DHX35: variants seen among roughly 807,000 people sequenced by gnomAD.
DHX35 encodes the protein probable ATP-dependent RNA helicase DHX35.
DHX35 carries 84 observed loss-of-function variants against 99.6 expected under a neutral mutation model. The ratio of observed to expected loss-of-function variants is 0.84; its 90% CI spans 0.71 to 1.01. The LOEUF is 1.01. DHX35 is among the 50% of genes least tolerant of loss of function. DHX35 has a pLI of 0.00. For synonymous variants in DHX35, 331 were observed against 316.2 expected (o/e 1.05, Z -0.50); for missense variants, 852 against 888.5 (o/e 0.96, Z 0.52).
intron 1 of DHX35, among the ~76,000 whole-genome samples, chr20:38,965,984 A>G (rs1361604499): frequency 6.6e-6 from 1 of 152,242 alleles, no homozygotes; most frequent in African/African-American, 2.4e-5. Context: ...AACTGAAGAA[A>G]AAGTTGTTCA....
At chr20:38,989,955 A>G (rs981150171) in intron 5 of DHX35, among the ~76,000 whole-genome samples, 5 of 152,226 alleles carry the variant, frequency 3.3e-5, no homozygotes, top group African/African-American at 1.2e-4. Context: ...TTAATTTGCA[A>G]CAGAGGAAAA....
chr20:39,014,675 T>C (rs929371049), intron 13 of DHX35, among the ~76,000 whole-genome samples: 5 of 152,124 alleles, frequency 3.3e-5, no homozygotes, highest in Non-Finnish European at 7.3e-5. Context: ...TTCATCAAGC[T>C]GAGCCTTAAA....
At chr20:39,030,893 T>C in intron 20 of DHX35, 118 bp downstream of exon 20, 1 of 1,134,082 alleles carries the variant, frequency 8.8e-7, no homozygotes, top group Non-Finnish European at 1.3e-6. Context: ...CCGGGCGTGG[T>C]GGCTCACGCC....
At chr20:38,987,992 C>G (rs2145867821) in intron 4 of DHX35, among the ~76,000 whole-genome samples, 1 of 152,196 alleles carries the variant, frequency 6.6e-6, no homozygotes, top group Non-Finnish European at 1.5e-5. Flanking sequence ...TATGGTAATT[C>G]CTGTTCTGCC....
In DHX35 at chr20:39,014,800, G is replaced by C; in HGVS notation, c.1348-80G>C. 21 of 1,555,638 alleles carry C rather than the reference G, an allele frequency of 1.3e-5. 1 individual carries two copies. The highest frequency in any genetic ancestry group is 1.9e-5 in the Non-Finnish European group (21 of 1,127,114). Reference sequence around the variant, plus strand: ...ATGGGGCATGTTAGAGGGGAGAATGGATTTGAAAAGGAAACAGCCACATTT... The same window carrying C: ...ATGGGGCATGTTAGAGGGGAGAATGCATTTGAAAAGGAAACAGCCACATTT... On this transcript the variant is annotated intron_variant, in intron 13 of 21. Coordinates refer to ENST00000252011, the MANE Select transcript of DHX35 (RefSeq NM_021931.4).
intron 10 of DHX35, among the ~76,000 whole-genome samples, 158 bp downstream of exon 10, chr20:39,003,026 A>G (rs1442792059): frequency 2.0e-5 from 3 of 152,218 alleles, no homozygotes; most frequent in South Asian, 2.1e-4. Context: ...TTCATCTACC[A>G]TCTAGATTGT....
At chr20:39,023,990 C>G (rs2086912454) in intron 17 of DHX35, among the ~76,000 whole-genome samples, 1 of 152,350 alleles carries the variant, frequency 6.6e-6, no homozygotes, top group South Asian at 2.1e-4. Context: ...TCATTGCTTT[C>G]CCTTGCTTGG....
chr20:39,037,226 G>C (rs1389551532), intron 21 of DHX35, among the ~76,000 whole-genome samples: 1 of 152,312 alleles, frequency 6.6e-6, no homozygotes, highest in East Asian at 1.9e-4. Context: ...CGTGTAGAGA[G>C]AGAATTCAGA....
intron 19 of DHX35, chr20:39,029,821 C>G (rs957308281): frequency 6.6e-5 from 10 of 152,154 alleles, no homozygotes; most frequent in East Asian, 1.9e-4. Flanking sequence ...CTCACCACCC[C>G]CTGGTAGGAC....
intron 3 of DHX35, chr20:38,977,931 A>G (rs1336388380): frequency 1.7e-6 from 1 of 604,416 alleles, no homozygotes; most frequent in African/African-American, 1.8e-5. Flanking sequence ...CAAAATCATC[A>G]TCATTAGCAG....
intron 11 of DHX35, 36 bp downstream of exon 11, chr20:39,003,943 C>T (rs770243515): frequency 8.1e-6 from 13 of 1,604,202 alleles, no homozygotes; most frequent in South Asian, 3.3e-5. Flanking sequence ...TGTTGGCAGC[C>T]GTCTATAATC....
intron 1 of DHX35, among the ~76,000 whole-genome samples, chr20:38,964,536 T>A (rs2085882800): frequency 6.6e-6 from 1 of 152,178 alleles, no homozygotes; most frequent in Non-Finnish European, 1.5e-5. Context: ...GTTCAAGCGA[T>A]TCTCCTGCCT....
chr20:38,999,635 G>A (rs1294378217), intron 8 of DHX35, among the ~76,000 whole-genome samples: 1 of 152,170 alleles, frequency 6.6e-6, no homozygotes, highest in African/African-American at 2.4e-5. Flanking sequence ...GTGTGTGCAC[G>A]TTCACTCACT....
intron 3 of DHX35, among the ~76,000 whole-genome samples, chr20:38,982,925 A>ATT (rs547151407): frequency 3.0e-4 from 42 of 142,132 alleles, no homozygotes; most frequent in African/African-American, 8.3e-4. Flanking sequence ...ACTTAATCAA[A>ATT]TTTTTTTTTT....
intron 3 of DHX35, among the ~76,000 whole-genome samples, chr20:38,976,291 T>C (rs889335269): frequency 6.6e-6 from 1 of 152,128 alleles, no homozygotes; most frequent in African/African-American, 2.4e-5. Context: ...ATCAGTATTA[T>C]GAGTTTCTTG....
chr20:39,032,258 A>G (rs998419556), intron 20 of DHX35, among the ~76,000 whole-genome samples: 1 of 151,996 alleles, frequency 6.6e-6, no homozygotes, highest in African/African-American at 2.4e-5. Context: ...TTCAATCTCC[A>G]CCTTCGGGGT....
At position 39,025,226 on chromosome 20, in the gene DHX35, G is replaced by T. The variant is rs2086936274; in HGVS notation, c.1672-4G>T. On this transcript the variant is annotated splice_polypyrimidine_tract_variant and splice_region_variant and intron_variant, in intron 17 of 21. Transcript: ENST00000252011. ...TAACTCCCTCTCTCTGGGTTGTTCT[G>T]TAGCACAATAAGGACTCTAAATGGT... is the stretch of plus-strand genomic sequence containing the variant. 1.2e-6 allele frequency: 2 copies of T among 1,609,352 alleles called. No individual in the cohort carries two copies. Among genetic ancestry groups the T allele is most frequent in the Non-Finnish European group, 1.7e-6 (2 of 1,177,892 alleles).
intron 12 of DHX35, among the ~76,000 whole-genome samples, chr20:39,007,952 A>G (rs1037940395): frequency 1.3e-5 from 2 of 152,222 alleles, no homozygotes; most frequent in African/African-American, 2.4e-5. Flanking sequence ...ACAATTTATT[A>G]TATTCACAAT....
At chr20:39,026,747 A>C (rs1448992432) in intron 18 of DHX35, among the ~76,000 whole-genome samples, 1 of 152,134 alleles carries the variant, frequency 6.6e-6, no homozygotes, top group Non-Finnish European at 1.5e-5. Context: ...AGAATATTTG[A>C]TGGGTGAATA....
Sources: allele counts gnomAD v4.1 joint callset (sites outside exome capture counted in the v4.1 genomes callset), GRCh38; gene constraint gnomAD v4.1.1; transcripts MANE v1.5; gene names NCBI Gene and HGNC (gene_info 2026-07-23, HGNC 2026-07-21).